CNTN1: variants seen among roughly 807,000 people sequenced by gnomAD.
CNTN1 encodes contactin-1.
In CNTN1, 38 loss-of-function variants were observed where a neutral mutation model predicts 126.4. The observed-to-expected ratio is 0.30, with a 90% CI of 0.23 to 0.39. The LOEUF (loss-of-function observed/expected upper bound fraction) is 0.39, where lower values mean the gene tolerates loss of function less well. Among genes scored for constraint, CNTN1 ranks in the 10% least tolerant of loss-of-function variants. The pLI is 1.00. For missense variants in CNTN1, 1,009 were observed against 1,248.4 expected, an observed-to-expected ratio of 0.81 and a Z score of 2.89; for synonymous variants, 413 against 422.6, an observed-to-expected ratio of 0.98 and a Z score of 0.28.
intron 17 of CNTN1, among the ~76,000 whole-genome samples, chr12:40,997,417 G>A (rs182891794): frequency 2.1e-3 from 326 of 152,236 alleles, no homozygotes; most frequent in African/African-American, 7.6e-3. Flanking sequence ...CCTAATGAAG[G>A]TCTGTTGTTC....
At chr12:40,939,227 T>A (rs934079949) in intron 11 of CNTN1, 108 bp from the exon 12 acceptor site, 2 of 1,206,818 alleles carry the variant, frequency 1.7e-6, no homozygotes. Context: ...TTACCGAGAT[T>A]AATCCTTTCC....
intron 23 of CNTN1, among the ~76,000 whole-genome samples, chr12:41,053,125 T>G (rs1949722941): frequency 6.6e-6 from 1 of 151,482 alleles, no homozygotes; most frequent in African/African-American, 2.4e-5. Context: ...ATATTTGAAG[T>G]AGAAAAAATA....
chr12:40,877,988 CTTTTTTTTT>C (rs199626249), intron 1 of CNTN1, among the ~76,000 whole-genome samples: 1 of 109,340 alleles, frequency 9.1e-6, no homozygotes, highest in Non-Finnish European at 1.9e-5. Flanking sequence ...CAGTTTTTTC[CTTTTTTTTT>C]TTTTTTTTTT....
At chr12:40,849,314 A>G (rs938244619) in intron 1 of CNTN1, among the ~76,000 whole-genome samples, 3 of 152,168 alleles carry the variant, frequency 2.0e-5, no homozygotes, top group Admixed American at 6.5e-5. Context: ...TACATACTTG[A>G]TTAATAAGGG....
chr12:40,716,112 G>T (rs1427139492), intron 1 of CNTN1, among the ~76,000 whole-genome samples: 13 of 151,662 alleles, frequency 8.6e-5, no homozygotes, highest in Non-Finnish European at 1.8e-4. Context: ...AAAAATCTAA[G>T]GAAAGAAGCT....
chr12:40,740,898 G>A (rs534289538), intron 1 of CNTN1, among the ~76,000 whole-genome samples: 1 of 152,124 alleles, frequency 6.6e-6, no homozygotes, highest in South Asian at 2.1e-4. Context: ...CCCTGATTGT[G>A]AGGCCTCCCC....
intron 1 of CNTN1, among the ~76,000 whole-genome samples, chr12:40,775,047 T>C (rs1267495410): frequency 6.6e-6 from 1 of 151,474 alleles, no homozygotes; most frequent in Non-Finnish European, 1.5e-5. Flanking sequence ...CAATAAATTA[T>C]TGTTAATTTT....
At chr12:40,798,617 T>G (rs1378026464) in intron 1 of CNTN1, among the ~76,000 whole-genome samples, 2 of 151,938 alleles carry the variant, frequency 1.3e-5, no homozygotes, top group Non-Finnish European at 2.9e-5. Context: ...GAGGCCGTTA[T>G]CCTTAGCAGA....
intron 16 of CNTN1, among the ~76,000 whole-genome samples, chr12:40,988,515 C>T (rs1948021693): frequency 6.6e-6 from 1 of 152,228 alleles, no homozygotes; most frequent in East Asian, 1.9e-4. Flanking sequence ...GCTCTAAAGG[C>T]AGGGTACCAC....
intron 1 of CNTN1, among the ~76,000 whole-genome samples, chr12:40,828,586 T>G (rs2136542701): frequency 6.6e-6 from 1 of 152,244 alleles, no homozygotes; most frequent in African/African-American, 2.4e-5. Flanking sequence ...ATGAGCTGAA[T>G]CAATAAGTGG....
chr12:40,833,394 C>A (rs1362189884), intron 1 of CNTN1, among the ~76,000 whole-genome samples: 1 of 152,098 alleles, frequency 6.6e-6, no homozygotes, highest in Admixed American at 6.5e-5. Context: ...CTGCACCTGG[C>A]CAACAAGTTG....
chr12:40,746,380 A>G (rs111301349), intron 1 of CNTN1, among the ~76,000 whole-genome samples: 1 of 152,142 alleles, frequency 6.6e-6, no homozygotes, highest in African/African-American at 2.4e-5. Context: ...CAGCAAATCT[A>G]TAAGGGTCTG....
At chr12:41,014,854 C>T (rs753301866) in intron 18 of CNTN1, among the ~76,000 whole-genome samples, 2 of 151,968 alleles carry the variant, frequency 1.3e-5, no homozygotes, top group Non-Finnish European at 2.9e-5. Flanking sequence ...AACAATACAT[C>T]TTGGCTGGAT....
chr12:40,990,312 T>A (rs575529820), intron 16 of CNTN1, among the ~76,000 whole-genome samples: 2 of 152,220 alleles, frequency 1.3e-5, no homozygotes, highest in Non-Finnish European at 2.9e-5. Context: ...CCTTCCTTAA[T>A]AATTCAGAAT....
chr12:40,793,947 T>C (rs1262019000), intron 1 of CNTN1, among the ~76,000 whole-genome samples: 3 of 117,438 alleles, frequency 2.6e-5, no homozygotes, highest in African/African-American at 9.0e-5. Context: ...GAAATGTAAA[T>C]ACTAGGGAAG....
chr12:40,975,097 C>A (rs1947633528), intron 15 of CNTN1, among the ~76,000 whole-genome samples: 1 of 150,000 alleles, frequency 6.7e-6, no homozygotes, highest in Non-Finnish European at 1.5e-5. Context: ...TCTTTGATCC[C>A]ATCTCTGTAC....
At chr12:40,780,781 T>A (rs1462332722) in intron 1 of CNTN1, among the ~76,000 whole-genome samples, 2 of 150,954 alleles carry the variant, frequency 1.3e-5, no homozygotes, top group Non-Finnish European at 3.0e-5. Context: ...GTTAAGGCAT[T>A]CTATTCAAGC....
chr12:40,922,778 C>T (rs898497129), intron 5 of CNTN1, among the ~76,000 whole-genome samples: 1 of 152,012 alleles, frequency 6.6e-6, no homozygotes, highest in Non-Finnish European at 1.5e-5. Flanking sequence ...CGAGACCATC[C>T]TGGCCAACAT....
chr12:41,011,055 A>G (rs1948639971), intron 17 of CNTN1, among the ~76,000 whole-genome samples: 1 of 152,208 alleles, frequency 6.6e-6, no homozygotes, highest in African/African-American at 2.4e-5. Flanking sequence ...AGAGCAGCAA[A>G]ACATCTCTCC....
Sources: allele counts gnomAD v4.1 joint callset (sites outside exome capture counted in the v4.1 genomes callset), GRCh38; gene constraint gnomAD v4.1.1; transcripts MANE v1.5; gene names NCBI Gene and HGNC (gene_info 2026-07-23, HGNC 2026-07-21).